VLDLR: variants seen among roughly 807,000 people sequenced by gnomAD.
VLDLR encodes the protein very low-density lipoprotein receptor.
Under a neutral mutation model 112.7 loss-of-function variants are expected in VLDLR, and 81 were observed. That is an observed-to-expected ratio of 0.72 (90% CI 0.60 to 0.86). The LOEUF is 0.86. VLDLR is among the 40% of genes least tolerant of loss of function. VLDLR has a pLI of 0.00. For synonymous variants in VLDLR, 436 were observed against 384.8 expected (o/e 1.13, Z -1.56); for missense variants, 1,237 against 1,099.4 (o/e 1.13, Z -1.77).
In VLDLR at chr9:2,633,471, C is replaced by T. The variant is rs892719052; in HGVS notation, c.83-1982C>T. Among the ~76,000 whole-genome samples the T allele has an allele frequency of 2.0e-5, 3 of 152,074 alleles. No homozygotes were observed. The East Asian group carries it at 5.8e-4, about 29-fold the overall frequency. On this transcript the variant is annotated intron_variant, in intron 1 of 18. Transcript: ENST00000382100. ...GGAGGTTGTCTTCCAGGTACCTTAA[C>T]CCTGAGGTGGGAAACTATCAATTGA...
chr9:2,638,807 A>G (rs1352574372), intron 2 of VLDLR, among the ~76,000 whole-genome samples: 5 of 152,208 alleles, frequency 3.3e-5, no homozygotes, highest in African/African-American at 1.2e-4. Context: ...TCCTTAGGCT[A>G]TTTTAACATT....
intron 1 of VLDLR, among the ~76,000 whole-genome samples, chr9:2,625,492 T>G (rs1243449799): frequency 6.6e-6 from 1 of 152,240 alleles, no homozygotes; most frequent in Admixed American, 6.5e-5. Context: ...AAGTAATGAT[T>G]GCATTCACTT....
intron 12 of VLDLR, chr9:2,647,820 A>G: frequency 1.6e-6 from 1 of 622,952 alleles, no homozygotes; most frequent in Non-Finnish European, 2.9e-6. Flanking sequence ...ATGTGACACA[A>G]ATTCAGTGAA....
chr9:2,651,254 T>G (rs896796824), intron 15 of VLDLR, among the ~76,000 whole-genome samples, 161 bp from the exon 16 acceptor site: 1 of 152,230 alleles, frequency 6.6e-6, no homozygotes, highest in African/African-American at 2.4e-5. Context: ...GCATGAAGAT[T>G]GCTATTTCAA....
rs1007163612 is a variant in VLDLR at position 2,656,734 on chromosome 9, G to A, written c.*2866G>A. The A allele has an allele frequency of 5.9e-5, 9 of 151,656 alleles. No homozygotes were observed. Among genetic ancestry groups the A allele is most frequent in the Non-Finnish European group, 1.2e-4 (8 of 68,008 alleles). 9.4% of individuals were successfully genotyped at this position (151,656 alleles called of 1,614,324 possible). On this transcript the variant is annotated 3_prime_UTR_variant, in exon 19 of 19. Coordinates refer to ENST00000382100, the MANE Select transcript of VLDLR (RefSeq NM_003383.5). ...CAGAAATTTTAGGAATTGCCACAAA[G>A]ATTGATGATAGATGAATAAACAGAT...
intron 1 of VLDLR, among the ~76,000 whole-genome samples, chr9:2,629,923 A>G (rs1383421058): frequency 6.6e-6 from 1 of 152,148 alleles, no homozygotes. Flanking sequence ...CAGCCTCCCA[A>G]GGAGCTGGGA....
rs140526335 is a variant in VLDLR at position 2,639,898 on chromosome 9, A to G, written c.242A>G (p.Asn81Ser). Residue 81 changes from asparagine (N) to serine (S), a missense_variant, in exon 3 of 19, where the codon AAT becomes AGT. Physicochemically the swap from Asn to Ser is conservative, Grantham distance 46. Transcript: ENST00000382100. ...GCTGAATCTGACTTCGTGTGCAACA[A>G]TGGCCAGTGTGTTCCCAGCCGATGG... ...TCAESDFVCN[N>S]GQCVPSRWKC... 2,766 of 1,614,184 alleles carry G rather than the reference A, an allele frequency of 1.7e-3. 13 individuals are homozygous for G. The highest frequency in any genetic ancestry group is 7.2e-3 in the South Asian group (658 of 91,086).
At chr9:2,648,844 T>C (rs777033629) in intron 14 of VLDLR, 34 bp downstream of exon 14, 2 of 1,613,560 alleles carry the variant, frequency 1.2e-6, no homozygotes. Context: ...TAATAACTAC[T>C]TTAAGGGAAG....
Position 2,650,567 on chromosome 9 carries a change from A to G in VLDLR, c.2251+51A>G, listed in dbSNP as rs763392925. 4 of 1,606,798 alleles carry G rather than the reference A, an allele frequency of 2.5e-6. 1 individual carries two copies. In the South Asian group the frequency reaches 3.3e-5, roughly 13 times the overall value. ...AAGTAGAACCTACAACAAGCAATAT[A>G]ATAAGACACAAGCTTGGATTTTTAA... is the stretch of plus-strand genomic sequence containing the variant. On this transcript the variant is annotated intron_variant, in intron 15 of 18. Coordinates refer to ENST00000382100, the MANE Select transcript of VLDLR (RefSeq NM_003383.5).
intron 1 of VLDLR, among the ~76,000 whole-genome samples, chr9:2,633,369 G>C (rs1260207600): frequency 1.3e-5 from 2 of 151,978 alleles, no homozygotes; most frequent in African/African-American, 4.8e-5. Flanking sequence ...TATCAGCCTT[G>C]GGATACTGTA....
intron 2 of VLDLR, 28 bp downstream of exon 2, chr9:2,635,600 AT>A (rs757172206): frequency 4.8e-5 from 78 of 1,613,688 alleles, no homozygotes; most frequent in Non-Finnish European, 6.3e-5. Context: ...TGACTTATGC[AT>A]TTTGTTAAAA....
intron 7 of VLDLR, among the ~76,000 whole-genome samples, chr9:2,644,253 G>A (rs1439983395): frequency 7.4e-5 from 11 of 148,956 alleles, no homozygotes; most frequent in Non-Finnish European, 1.5e-4. Context: ...CTGCCTCCCG[G>A]GTTCAAGCAG....
intron 1 of VLDLR, among the ~76,000 whole-genome samples, chr9:2,624,995 C>G (rs1322526990): frequency 6.6e-6 from 1 of 152,148 alleles, no homozygotes; most frequent in East Asian, 1.9e-4. Context: ...ATACTTAAAG[C>G]ATGTATAAAG....
In VLDLR at chr9:2,652,674, G is replaced by A. The variant is rs1818406539; in HGVS notation, c.2417-106G>A. ...AGTTATCCTAGCTCCATAAAACATG[G>A]CATTTTTACTAATGTCAATTATTAT... On this transcript the variant is annotated intron_variant, in intron 17 of 18. Transcript: ENST00000382100. The A allele has an allele frequency of 4.1e-6, 6 of 1,452,560 alleles. No homozygotes were observed. The South Asian group carries it at 5.9e-5, about 14-fold the overall frequency. The allele number at this position is 1,452,560 out of a possible 1,614,324, so 90.0% of individuals were successfully genotyped here.
intron 1 of VLDLR, among the ~76,000 whole-genome samples, chr9:2,624,288 C>G (rs951047703): frequency 1.3e-5 from 2 of 152,180 alleles, no homozygotes; most frequent in Non-Finnish European, 2.9e-5. Flanking sequence ...GTTATTGACC[C>G]TAAACCAATC....
intron 14 of VLDLR, 88 bp downstream of exon 14, chr9:2,648,898 C>T (rs1244906740): frequency 1.1e-5 from 17 of 1,561,588 alleles, no homozygotes; most frequent in Non-Finnish European, 1.8e-6. Context: ...CTCTTGGCAA[C>T]TCAGTTTTCT....
intron 2 of VLDLR, among the ~76,000 whole-genome samples, chr9:2,639,162 C>T (rs1817722888): frequency 6.6e-6 from 1 of 152,162 alleles, no homozygotes; most frequent in African/African-American, 2.4e-5. Context: ...ATTTATTTCT[C>T]ATAGTTGTGG....
In VLDLR at chr9:2,654,183, A is replaced by G. The variant is rs1818495090; in HGVS notation, c.*315A>G. On this transcript the variant is annotated 3_prime_UTR_variant, in exon 19 of 19. Coordinates refer to ENST00000382100, the MANE Select transcript of VLDLR (RefSeq NM_003383.5). Reference sequence around the variant, plus strand: ...ATTCCAGCAGTGAAACTTGTGCTATAGTGTATACCACCTGTACATACATTG... The same window carrying G: ...ATTCCAGCAGTGAAACTTGTGCTATGGTGTATACCACCTGTACATACATTG... The G allele has an allele frequency of 7.4e-6, 3 of 403,366 alleles. No homozygotes were observed. The highest frequency in any genetic ancestry group is 6.5e-5 in the South Asian group (3 of 45,868). The allele number at this position is 403,366 out of a possible 1,614,324, so 25.0% of individuals were successfully genotyped here.
At chr9:2,642,036 A>G (rs1817856457) in intron 4 of VLDLR, among the ~76,000 whole-genome samples, 1 of 151,376 alleles carries the variant, frequency 6.6e-6, no homozygotes, top group Non-Finnish European at 1.5e-5. Context: ...AGAAAAGTCT[A>G]CCCAACTGGT....
Sources: allele counts gnomAD v4.1 joint callset (sites outside exome capture counted in the v4.1 genomes callset), GRCh38; gene constraint gnomAD v4.1.1; transcripts MANE v1.5; gene names NCBI Gene and HGNC (gene_info 2026-07-23, HGNC 2026-07-21).